Variants in CLYBL observed in about 807,000 individuals in gnomAD.
CLYBL encodes citramalyl-CoA lyase, mitochondrial.
CLYBL carries 31 observed loss-of-function variants against 38.9 expected under a neutral mutation model. The observed-to-expected ratio is 0.80, with a 90% CI of 0.60 to 1.08. The LOEUF is 1.08. CLYBL is among the 50% of genes least tolerant of loss of function. CLYBL has a pLI of 0.00. For synonymous variants in CLYBL, 171 were observed against 158.6 expected, an observed-to-expected ratio of 1.08 and a Z score of -0.59; for missense variants, 434 against 411.6, an observed-to-expected ratio of 1.05 and a Z score of -0.47.
intron 1 of CLYBL, among the ~76,000 whole-genome samples, chr13:99,744,431 A>G (rs879745013): frequency 6.6e-6 from 1 of 152,206 alleles, no homozygotes; most frequent in Non-Finnish European, 1.5e-5. Flanking sequence ...TACCATACAG[A>G]GACCTGGCAG....
intron 1 of CLYBL, among the ~76,000 whole-genome samples, chr13:99,612,179 T>G (rs1448881077): frequency 6.6e-6 from 1 of 152,176 alleles, no homozygotes; most frequent in Non-Finnish European, 1.5e-5. Flanking sequence ...TTTTTCTCTG[T>G]TTTTTATTTT....
intron 1 of CLYBL, among the ~76,000 whole-genome samples, chr13:99,659,935 A>G (rs1005769034): frequency 6.6e-6 from 1 of 152,206 alleles, no homozygotes; most frequent in African/African-American, 2.4e-5. Flanking sequence ...TTCTGGGCAT[A>G]ATATCACCTG....
Position 99,681,293 on chromosome 13 carries a change from T to A in CLYBL, c.62+74536T>A, listed in dbSNP as rs1046350697. 3.2e-4 allele frequency among the ~76,000 whole-genome samples: 49 copies of A among 152,306 alleles called. 1 individual carries two copies. Among genetic ancestry groups the A allele is most frequent in the Admixed American group, 9.2e-4 (14 of 15,288 alleles). On this transcript the variant is annotated intron_variant, in intron 1 of 8. Coordinates refer to ENST00000339105, the MANE Select transcript of CLYBL (RefSeq NM_206808.5). ...GATTTGGATAATTGCAATAAAGTTG[T>A]GTAGGAGAGTGTCCTTGGTTTGGGG... is the stretch of plus-strand genomic sequence containing the variant.
intron 2 of CLYBL, among the ~76,000 whole-genome samples, chr13:99,817,473 ACGAAACCC>A (rs1308471991): frequency 1.3e-5 from 2 of 151,778 alleles, no homozygotes; most frequent in East Asian, 3.9e-4. Context: ...CCTGGCTAAC[ACGAAACCC>A]CGTCTCTACT....
chr13:99,799,389 A>ACACACACACACACG, intron 2 of CLYBL, among the ~76,000 whole-genome samples: 1 of 152,100 alleles, frequency 6.6e-6, no homozygotes, highest in African/African-American at 2.4e-5. Flanking sequence ...ACACACACAC[A>ACACACACACACACG]CACATACACA....
At chr13:99,714,253 G>A (rs76493790) in intron 1 of CLYBL, among the ~76,000 whole-genome samples, 3,315 of 152,050 alleles carry the variant, frequency 0.022, 121 homozygotes, top group African/African-American at 0.076. Flanking sequence ...TGTTTGTTTC[G>A]GTTTTTATCT....
chr13:99,884,530 G>A (rs1165532039), intron 7 of CLYBL, among the ~76,000 whole-genome samples: 1 of 152,130 alleles, frequency 6.6e-6, no homozygotes, highest in East Asian at 1.9e-4. Context: ...CAACTCCCCT[G>A]TGCCTTGCTT....
intron 7 of CLYBL, among the ~76,000 whole-genome samples, chr13:99,883,609 C>G (rs1187959685): frequency 6.6e-6 from 1 of 152,080 alleles, no homozygotes; most frequent in Non-Finnish European, 1.5e-5. Context: ...GCTGCGTGTC[C>G]TCAGGCTCTA....
At chr13:99,770,534 T>G (rs1228067253) in intron 1 of CLYBL, among the ~76,000 whole-genome samples, 16 of 152,112 alleles carry the variant, frequency 1.1e-4, no homozygotes, top group African/African-American at 3.4e-4. Context: ...AGCGAGGATA[T>G]TCTGGATCTC....
chr13:99,753,607 G>C (rs1406879191), intron 1 of CLYBL, among the ~76,000 whole-genome samples: 2 of 152,136 alleles, frequency 1.3e-5, no homozygotes, highest in Non-Finnish European at 2.9e-5. Flanking sequence ...AAAATTTATT[G>C]ATACATTTAC....
At chr13:99,891,474 A>G in intron 8 of CLYBL, 37 bp downstream of exon 8, 1 of 1,199,504 alleles carries the variant, frequency 8.3e-7, no homozygotes, top group Non-Finnish European at 1.2e-6. Flanking sequence ...CTTAAAGACA[A>G]ACCACAATAC....
downstream of CLYBL, chr13:99,896,806 C>T (rs912294332): frequency 6.6e-6 from 1 of 152,218 alleles, no homozygotes; most frequent in African/African-American, 2.4e-5. Context: ...AAGTGGTAAT[C>T]CCAAGTTTAA....
chr13:99,734,126 C>G lies in CLYBL; in HGVS notation c.63-38698C>G, dbSNP rs528457486. On this transcript the variant is annotated intron_variant, in intron 1 of 8. Transcript: ENST00000339105. ...GGATTTCTGATTCATTTCTTCTGCC[C>G]TGCTCCCCTGCTCTGCATTTTTTTA... 1.3e-3 allele frequency among the ~76,000 whole-genome samples: 201 copies of G among 152,126 alleles called. 1 individual carries two copies. The highest frequency in any genetic ancestry group is 2.5e-3 in the Non-Finnish European group (170 of 68,026).
chr13:99,751,928 G>A (rs1469774970), intron 1 of CLYBL, among the ~76,000 whole-genome samples: 1 of 152,190 alleles, frequency 6.6e-6, no homozygotes, highest in East Asian at 1.9e-4. Flanking sequence ...ATCTTAAAAT[G>A]ATTCATGGAT....
intron 1 of CLYBL, among the ~76,000 whole-genome samples, chr13:99,759,504 A>G (rs537147906): frequency 6.6e-6 from 1 of 152,242 alleles, no homozygotes; most frequent in South Asian, 2.1e-4. Context: ...TGGTGAGGCA[A>G]CAAGTTAACA....
At chr13:99,710,687 G>A (rs569057177) in intron 1 of CLYBL, among the ~76,000 whole-genome samples, 5 of 152,084 alleles carry the variant, frequency 3.3e-5, no homozygotes, top group Non-Finnish European at 7.4e-5. Flanking sequence ...CCCTGTCCTC[G>A]GGGAATCTTG....
intron 7 of CLYBL, among the ~76,000 whole-genome samples, chr13:99,874,944 C>T (rs2052001354): frequency 6.6e-6 from 1 of 152,186 alleles, no homozygotes; most frequent in South Asian, 2.1e-4. Flanking sequence ...AGATACTCTG[C>T]TAGAATATTC....
At chr13:99,883,518 C>CAAAAA (rs199528877) in intron 7 of CLYBL, among the ~76,000 whole-genome samples, 54 of 130,906 alleles carry the variant, frequency 4.1e-4, no homozygotes, top group African/African-American at 9.4e-4. Flanking sequence ...GACTCCATCT[C>CAAAAA]AAAAAAAAAA....
At chr13:99,683,090 G>GT (rs2047761542) in intron 1 of CLYBL, among the ~76,000 whole-genome samples, 1 of 148,522 alleles carries the variant, frequency 6.7e-6, no homozygotes, top group African/African-American at 2.5e-5. Context: ...GTTTTGTTTT[G>GT]TTTGTTTTTG....
Sources: gnomAD v4.1 joint callset for allele counts (sites outside exome capture counted in the v4.1 genomes callset) on GRCh38, gnomAD v4.1.1 for gene constraint, MANE v1.5 for transcripts, NCBI Gene and HGNC (gene_info 2026-07-23, HGNC 2026-07-21) for gene names.